The following NRG1 variants were observed in gnomAD, a reference collection of about 807,000 sequenced individuals.
NRG1 encodes neuregulin 1.
Under a neutral mutation model 63.8 loss-of-function variants are expected in NRG1, and 18 were observed. The ratio of observed to expected loss-of-function variants is 0.28; its 90% CI spans 0.19 to 0.42. The LOEUF (loss-of-function observed/expected upper bound fraction) is 0.42. Ranked by LOEUF, NRG1 falls within the 10% of genes least tolerant of loss-of-function variation. The probability of loss-of-function intolerance (pLI) is 1.00; values close to 1 mark genes in which losing one functional copy is unlikely to be tolerated. For synonymous variants in NRG1, 302 were observed against 301.3 expected, an observed-to-expected ratio of 1.00 and a Z score of -0.02; for missense variants, 762 against 814.7, an observed-to-expected ratio of 0.94 and a Z score of 0.79.
At chr8:32,275,042 C>T (rs768446470) in intron 1 of NRG1, among the ~76,000 whole-genome samples, 8 of 152,052 alleles carry the variant, frequency 5.3e-5, no homozygotes, top group African/African-American at 1.9e-4. Flanking sequence ...GAATCTACCC[C>T]ACAGCCAGAT....
At chr8:31,941,463 A>G (rs1801736839) in intron 1 of NRG1, among the ~76,000 whole-genome samples, 1 of 152,122 alleles carries the variant, frequency 6.6e-6, no homozygotes, top group Non-Finnish European at 1.5e-5. Flanking sequence ...GAAAAGTGGA[A>G]AGCATTCCCA....
chr8:32,663,983 A>C (rs1309544817), intron 5 of NRG1, among the ~76,000 whole-genome samples: 3 of 152,218 alleles, frequency 2.0e-5, no homozygotes, highest in Non-Finnish European at 4.4e-5. Flanking sequence ...AGCTCGAATC[A>C]TCTTTAATAC....
intron 1 of NRG1, among the ~76,000 whole-genome samples, chr8:32,117,157 A>C (rs2131514260): frequency 6.6e-6 from 1 of 152,088 alleles, no homozygotes; most frequent in Admixed American, 6.6e-5. Context: ...ACACACAAAC[A>C]AAAAAATATG....
chr8:32,409,167 A>G (rs1262799702), intron 1 of NRG1, among the ~76,000 whole-genome samples: 1 of 152,176 alleles, frequency 6.6e-6, no homozygotes, highest in Non-Finnish European at 1.5e-5. Flanking sequence ...TTGACTTATC[A>G]AATAAATGGT....
chr8:32,351,491 C>T (rs1218210290), intron 1 of NRG1, among the ~76,000 whole-genome samples: 3 of 152,168 alleles, frequency 2.0e-5, no homozygotes, highest in Non-Finnish European at 2.9e-5. Flanking sequence ...GAAAATCCTG[C>T]ACTCTCTCCT....
chr8:31,844,159 C>G (rs701955), intron 1 of NRG1, among the ~76,000 whole-genome samples: 34,510 of 152,122 alleles, frequency 0.23, 4,314 homozygotes, highest in Middle Eastern at 0.26. Context: ...CCCAAATGCT[C>G]TGTTGCGCAC....
At chr8:32,660,058 A>G (rs1378248357) in intron 5 of NRG1, among the ~76,000 whole-genome samples, 5 of 152,198 alleles carry the variant, frequency 3.3e-5, no homozygotes, top group African/African-American at 1.2e-4. Flanking sequence ...TAGCTAACTC[A>G]TTTTTATGAC....
chr8:32,652,234 A>G (rs894348113), intron 5 of NRG1, among the ~76,000 whole-genome samples: 3 of 152,166 alleles, frequency 2.0e-5, no homozygotes, highest in African/African-American at 7.2e-5. Flanking sequence ...TGTTTAGTGC[A>G]TATCACTAAA....
chr8:32,747,536 T>C (rs147675074), intron 7 of NRG1, among the ~76,000 whole-genome samples: 1,851 of 152,136 alleles, frequency 0.012, 31 homozygotes, highest in African/African-American at 0.043. Flanking sequence ...TTGAATAAAT[T>C]ATTTTGCTGT....
chr8:32,344,324 CTCTT>C (rs765116407), intron 1 of NRG1, among the ~76,000 whole-genome samples: 3,792 of 64,026 alleles, frequency 0.059, 167 homozygotes, highest in African/African-American at 0.083. Context: ...TTCCTTCTTT[CTCTT>C]TCTTTCTTTC....
chr8:32,419,825 CT>C (rs1208620056), intron 1 of NRG1, among the ~76,000 whole-genome samples: 4 of 152,158 alleles, frequency 2.6e-5, no homozygotes, highest in Non-Finnish European at 5.9e-5. Context: ...AGTACATCTT[CT>C]TTTACATTTA....
intron 1 of NRG1, among the ~76,000 whole-genome samples, chr8:32,020,726 T>C (rs568274892): frequency 6.6e-6 from 1 of 152,358 alleles, no homozygotes; most frequent in South Asian, 2.1e-4. Context: ...ATTTCATTAC[T>C]TATAAAGCAA....
chr8:32,492,245 G>A (rs1470864414), intron 1 of NRG1, among the ~76,000 whole-genome samples: 1 of 152,176 alleles, frequency 6.6e-6, no homozygotes, highest in African/African-American at 2.4e-5. Context: ...GTGGAATTGA[G>A]TTATATGGGA....
chr8:31,749,548 A>G (rs1011721661), intron 1 of NRG1, among the ~76,000 whole-genome samples: 7 of 151,678 alleles, frequency 4.6e-5, no homozygotes, highest in Admixed American at 3.9e-4. Context: ...AGATCACTAA[A>G]CTTTTCTTGC....
chr8:32,340,213 AAAAAT>A (rs1233711572), intron 1 of NRG1, among the ~76,000 whole-genome samples: 2 of 152,244 alleles, frequency 1.3e-5, no homozygotes, highest in Non-Finnish European at 2.9e-5. Context: ...GTAAAAAATA[AAAAAT>A]AAAACAATAT....
chr8:32,550,904 T>G (rs1833977646), intron 1 of NRG1, among the ~76,000 whole-genome samples: 1 of 152,198 alleles, frequency 6.6e-6, no homozygotes, highest in African/African-American at 2.4e-5. Context: ...TCCACCAGAT[T>G]ATAATCTTTT....
chr8:31,788,218 A>C (rs547385308), intron 1 of NRG1, among the ~76,000 whole-genome samples: 3 of 152,234 alleles, frequency 2.0e-5, no homozygotes, highest in African/African-American at 7.2e-5. Context: ...CCATAATCCT[A>C]CTGCTGAATG....
intron 1 of NRG1, among the ~76,000 whole-genome samples, chr8:31,823,460 T>A (rs1824208256): frequency 6.6e-6 from 1 of 152,152 alleles, no homozygotes; most frequent in East Asian, 1.9e-4. Flanking sequence ...CATTGTTTTA[T>A]ATTATACCAC....
At chr8:32,401,856 A>C (rs1206547728) in intron 1 of NRG1, among the ~76,000 whole-genome samples, 2 of 152,154 alleles carry the variant, frequency 1.3e-5, no homozygotes, top group Non-Finnish European at 2.9e-5. Flanking sequence ...CCTGTATAAC[A>C]AACCTGCATA....
Sources: gnomAD v4.1 joint callset for allele counts (sites outside exome capture counted in the v4.1 genomes callset) on GRCh38, gnomAD v4.1.1 for gene constraint, MANE v1.5 for transcripts, NCBI Gene and HGNC (gene_info 2026-07-23, HGNC 2026-07-21) for gene names.